The following ARHGAP15 variants were observed in gnomAD, a reference collection of about 807,000 sequenced individuals.
The protein encoded by ARHGAP15 is rho GTPase-activating protein 15.
A neutral mutation model predicts 63.7 loss-of-function variants in ARHGAP15; 51 were observed. That is an observed-to-expected ratio of 0.80 (90% CI 0.64 to 1.01). The LOEUF (loss-of-function observed/expected upper bound fraction) is 1.01. Among genes scored for constraint, ARHGAP15 ranks in the 50% least tolerant of loss-of-function variants. The pLI is 0.00. For missense variants in ARHGAP15, 560 were observed against 564.6 expected (o/e 0.99, Z 0.08); for synonymous variants, 191 against 193.8 (o/e 0.99, Z 0.12).
chr2:143,591,879 C>G (rs750304533), intron 11 of ARHGAP15, among the ~76,000 whole-genome samples: 3 of 152,044 alleles, frequency 2.0e-5, no homozygotes, highest in Non-Finnish European at 4.4e-5. Context: ...CTCAGCCTCC[C>G]AAAGTGCTGG....
chr2:143,311,932 A>G (rs747280662), intron 6 of ARHGAP15, among the ~76,000 whole-genome samples: 9 of 152,088 alleles, frequency 5.9e-5, no homozygotes, highest in Non-Finnish European at 1.3e-4. Flanking sequence ...CGCCTCAAGA[A>G]CTGTTTACGT....
intron 9 of ARHGAP15, among the ~76,000 whole-genome samples, chr2:143,508,102 G>A (rs1323276863): frequency 6.6e-6 from 1 of 151,874 alleles, no homozygotes; most frequent in African/African-American, 2.4e-5. Context: ...TGTCCTTCCT[G>A]TGACCTATAG....
chr2:143,268,321 A>G (rs1414447159), intron 6 of ARHGAP15, among the ~76,000 whole-genome samples: 1 of 152,138 alleles, frequency 6.6e-6, no homozygotes, highest in Non-Finnish European at 1.5e-5. Flanking sequence ...CTCCTGGGAA[A>G]TATTCTAGGA....
intron 6 of ARHGAP15, among the ~76,000 whole-genome samples, chr2:143,432,544 C>T (rs1689433780): frequency 6.6e-6 from 1 of 152,044 alleles, no homozygotes; most frequent in African/African-American, 2.4e-5. Context: ...ACCAAGGACA[C>T]AGACTATTCT....
rs534445475 is a variant in ARHGAP15 at position 143,366,954 on chromosome 2, A to G, written c.475-68647A>G. On this transcript the variant is annotated intron_variant, in intron 6 of 13. Transcript: ENST00000295095. ...TGTTTACTTGATTTATCTTAAAGAT[A>G]TTTTTCAAAGTGTCCTGTATCATAA... Among the ~76,000 whole-genome samples, 89 of 152,042 alleles carry G rather than the reference A, an allele frequency of 5.9e-4. 1 individual carries two copies. The highest frequency in any genetic ancestry group is 1.1e-3 in the Non-Finnish European group (74 of 67,918).
At chr2:143,364,873 G>A (rs902674646) in intron 6 of ARHGAP15, among the ~76,000 whole-genome samples, 1 of 152,170 alleles carries the variant, frequency 6.6e-6, no homozygotes, top group Non-Finnish European at 1.5e-5. Context: ...AGGCATGGTA[G>A]CAGGTGCCTG....
intron 12 of ARHGAP15, among the ~76,000 whole-genome samples, chr2:143,690,814 T>G (rs907802777): frequency 6.6e-6 from 1 of 152,330 alleles, no homozygotes; most frequent in Admixed American, 6.5e-5. Context: ...AGTCAGCCTT[T>G]TTTTTGGCAG....
chr2:143,352,754 A>T (rs1685624455), intron 6 of ARHGAP15, among the ~76,000 whole-genome samples: 1 of 152,092 alleles, frequency 6.6e-6, no homozygotes, highest in Non-Finnish European at 1.5e-5. Flanking sequence ...ATTGACCAAC[A>T]TTTTACAAAT....
chr2:143,394,426 T>C (rs1181696206), intron 6 of ARHGAP15, among the ~76,000 whole-genome samples: 1 of 152,150 alleles, frequency 6.6e-6, no homozygotes, highest in Non-Finnish European at 1.5e-5. Context: ...GCAAGAATAA[T>C]TGTTAACAGT....
chr2:143,155,426 C>T, intron 1 of ARHGAP15, 51 bp from the exon 2 acceptor site: 4 of 1,444,320 alleles, frequency 2.8e-6, no homozygotes, highest in Middle Eastern at 1.8e-4. Context: ...CAAGAGTTTT[C>T]ATGGAAAATT....
At chr2:143,665,720 T>C (rs1338374257) in intron 12 of ARHGAP15, among the ~76,000 whole-genome samples, 1 of 149,716 alleles carries the variant, frequency 6.7e-6, no homozygotes, top group African/African-American at 2.5e-5. Context: ...TTCAGCAAAG[T>C]CTCAGGATAC....
chr2:143,474,048 A>T (rs1404891207), intron 8 of ARHGAP15, among the ~76,000 whole-genome samples: 1 of 152,174 alleles, frequency 6.6e-6, no homozygotes, highest in Non-Finnish European at 1.5e-5. Flanking sequence ...CCATAGCTCA[A>T]TCCTCTATAT....
At chr2:143,325,829 A>C (rs147822899) in intron 6 of ARHGAP15, among the ~76,000 whole-genome samples, 1 of 152,182 alleles carries the variant, frequency 6.6e-6, no homozygotes, top group Non-Finnish European at 1.5e-5. Context: ...TAATGCACTT[A>C]TTCAATGAAA....
chr2:143,415,100 T>C (rs1688617089), intron 6 of ARHGAP15, among the ~76,000 whole-genome samples: 1 of 152,182 alleles, frequency 6.6e-6, no homozygotes, highest in African/African-American at 2.4e-5. Flanking sequence ...CCAAGTGAAA[T>C]ACTTATATTC....
chr2:143,434,525 G>A (rs1048210376), intron 6 of ARHGAP15, among the ~76,000 whole-genome samples: 26 of 152,176 alleles, frequency 1.7e-4, no homozygotes, highest in African/African-American at 6.3e-4. Flanking sequence ...GGCCTAAAGC[G>A]TGATTTGTGA....
chr2:143,168,808 CTAAT>C (rs1690651071), intron 2 of ARHGAP15, among the ~76,000 whole-genome samples: 1 of 152,148 alleles, frequency 6.6e-6, no homozygotes, highest in East Asian at 1.9e-4. Context: ...TACATTCTCA[CTAAT>C]TAATTTGGAG....
At chr2:143,531,673 C>T (rs1363743111) in intron 10 of ARHGAP15, among the ~76,000 whole-genome samples, 3 of 152,140 alleles carry the variant, frequency 2.0e-5, no homozygotes, top group African/African-American at 7.2e-5. Flanking sequence ...TACACTATAA[C>T]TCTTTGAAGG....
chr2:143,143,516 T>G (rs926285043), intron 1 of ARHGAP15, among the ~76,000 whole-genome samples: 1 of 151,952 alleles, frequency 6.6e-6, no homozygotes. Context: ...TGGATTTTTT[T>G]TTCTCACACC....
intron 10 of ARHGAP15, among the ~76,000 whole-genome samples, chr2:143,539,698 G>A (rs1048400650): frequency 2.0e-5 from 3 of 152,234 alleles, no homozygotes; most frequent in Non-Finnish European, 4.4e-5. Flanking sequence ...TTTTGAGTGA[G>A]TTTCTTAATC....
Sources: gnomAD v4.1 joint callset for allele counts (sites outside exome capture counted in the v4.1 genomes callset) on GRCh38, gnomAD v4.1.1 for gene constraint, MANE v1.5 for transcripts, NCBI Gene and HGNC (gene_info 2026-07-23, HGNC 2026-07-21) for gene names.